Variants in STYXL2 observed in about 807,000 individuals in gnomAD.
The protein encoded by STYXL2 is serine/threonine/tyrosine-interacting-like protein 2.
In STYXL2, 44 loss-of-function variants were observed where a neutral mutation model predicts 52.4. The observed-to-expected ratio is 0.84, with a 90% CI of 0.66 to 1.08. The LOEUF is 1.08. Ranked by LOEUF, STYXL2 falls within the 50% of genes least tolerant of loss-of-function variation. The pLI, the probability that STYXL2 is intolerant of heterozygous loss-of-function variation, is 0.00. For synonymous variants in STYXL2, 604 were observed against 586.9 expected (o/e 1.03, Z -0.42); for missense variants, 1,604 against 1,471.7 (o/e 1.09, Z -1.47).
intron 2 of STYXL2, among the ~76,000 whole-genome samples, chr1:167,107,125 T>C (rs1221480036): frequency 6.6e-6 from 1 of 152,122 alleles, no homozygotes; most frequent in Non-Finnish European, 1.5e-5. Context: ...GGCTGGGAGC[T>C]CAGCAGGGAC....
chr1:167,105,447 C>T (rs910568140), intron 2 of STYXL2, among the ~76,000 whole-genome samples: 1 of 152,254 alleles, frequency 6.6e-6, no homozygotes, highest in South Asian at 2.1e-4. Flanking sequence ...CTTTCTTGAA[C>T]AGCCAGCCCT....
rs1667800464 is a variant in STYXL2, at chr1:167,119,409, T to A, written c.598T>A (p.Ser200Thr). 4.3e-6 allele frequency: 7 copies of A among 1,614,226 alleles called. No individual in the cohort carries two copies. The highest frequency in any genetic ancestry group is 5.9e-6 in the Non-Finnish European group (7 of 1,180,042). ...EVDDFPEVDI[S>T]QHFRKASEFL... is the part of the protein sequence containing the mutation. ...GGATGACTTTCCTGAGGTGGACATTTCCCAGCATTTCCGGAAGGCGTCTGA... is the reference window on the plus strand; with the variant it reads ...GGATGACTTTCCTGAGGTGGACATTACCCAGCATTTCCGGAAGGCGTCTGA... Residue 200 changes from serine to threonine, a missense_variant, in exon 5 of 6, where the codon TCC becomes ACC. By Grantham distance (58) the Ser-to-Thr change is moderately conservative (BLOSUM62 1). Coordinates refer to ENST00000361200, the MANE Select transcript of STYXL2 (RefSeq NM_001080426.3).
intron 2 of STYXL2, among the ~76,000 whole-genome samples, chr1:167,098,318 T>C (rs547720322): frequency 3.3e-5 from 5 of 152,074 alleles, no homozygotes; most frequent in African/African-American, 9.6e-5. Flanking sequence ...CCAAACTTTT[T>C]TTAAGAAATT....
Position 167,126,321 on chromosome 1 carries a change from A to C in STYXL2, c.1190A>C (p.Gln397Pro). 6.6e-7 allele frequency: 1 copy of C among 1,521,452 alleles called. No homozygotes were observed. The highest frequency in any genetic ancestry group is 1.3e-5 in the South Asian group (1 of 78,472). The allele number at this position is 1,521,452 out of a possible 1,614,324, so 94.2% of individuals were successfully genotyped here. A position where few individuals can be genotyped will look rare whatever the true frequency, so the allele number is the denominator to read the frequency against. ...EDVERIIQEW[Q>P]SRNERYQAEG... ...GTGGAGAGGATCATCCAGGAGTGGC[A>C]GAGCCGAAACGAGAGGTACCAAGCA... The change falls in exon 6 of 6, where the codon CAG (glutamine) becomes CCG (proline). Residue 397 changes from glutamine (Q) to proline (P), a missense_variant. Coordinates refer to ENST00000361200, the MANE Select transcript of STYXL2 (RefSeq NM_001080426.3).
In STYXL2 at chr1:167,126,429, C is replaced by A. The variant is rs878895226; in HGVS notation, c.1298C>A (p.Thr433Asn). The change falls in exon 6 of 6, where the codon ACC (threonine) becomes AAC (asparagine). Residue 433 changes from threonine (T) to asparagine (N), a missense_variant. Physicochemically the swap from Thr to Asn is moderately conservative, Grantham distance 65. Coordinates refer to ENST00000361200, the MANE Select transcript of STYXL2 (RefSeq NM_001080426.3). ...TCCTCGGTGGGGAGGCGGCGGCGCA[C>A]CCTGAGCGAGAGCAGCGCCTGGGAG... ...AGSSVGRRRR[T>N]LSESSAWESV... 6.4e-7 allele frequency: 1 copy of A among 1,567,658 alleles called. No individual in the cohort carries two copies.
Position 167,128,694 on chromosome 1 carries a change from T to C in STYXL2, c.*86T>C. The C allele has an allele frequency of 6.7e-7, 1 of 1,483,866 alleles. No homozygotes were observed. The highest frequency in any genetic ancestry group is 8.9e-7 in the Non-Finnish European group (1 of 1,126,504). 91.9% of individuals were successfully genotyped at this position (1,483,866 alleles called of 1,614,324 possible). On this transcript the variant is annotated 3_prime_UTR_variant, in exon 6 of 6. Transcript: ENST00000361200. ...CACGTTGCCACCACTCATCGCAGGATGAGGATACAGAGAGGATCTTCCAGA... is the reference window on the plus strand; with the variant it reads ...CACGTTGCCACCACTCATCGCAGGACGAGGATACAGAGAGGATCTTCCAGA...
In STYXL2 at chr1:167,119,448, G is replaced by T; in HGVS notation, c.637G>T (p.Ala213Ser). The change falls in exon 5 of 6, where the codon GCG becomes TCG. Residue 213 changes from alanine to serine, a missense_variant. By Grantham distance (99) the Ala-to-Ser change is moderately conservative (BLOSUM62 1). Coordinates refer to ENST00000361200, the MANE Select transcript of STYXL2 (RefSeq NM_001080426.3). Reference sequence around the variant, plus strand: ...GAAGGCGTCTGAGTTCCTGGATGAGGCGCTGCTGACTTACAGAGGTGAGAG... The same window carrying T: ...GAAGGCGTCTGAGTTCCTGGATGAGTCGCTGCTGACTTACAGAGGTGAGAG... ...FRKASEFLDE[A>S]LLTYRGKVLV... 6.2e-7 allele frequency: 1 copy of T among 1,614,134 alleles called. No individual in the cohort carries two copies. Among genetic ancestry groups the T allele is most frequent in the Non-Finnish European group, 8.5e-7 (1 of 1,180,024 alleles).
At chr1:167,114,673 G>C (rs1667688870) in intron 3 of STYXL2, among the ~76,000 whole-genome samples, 1 of 152,234 alleles carries the variant, frequency 6.6e-6, no homozygotes, top group Non-Finnish European at 1.5e-5. Context: ...ACTTCACATA[G>C]AACCAGAAAT....
chr1:167,108,645 GGA>G (rs1667555369), intron 2 of STYXL2, among the ~76,000 whole-genome samples: 1 of 152,110 alleles, frequency 6.6e-6, no homozygotes, highest in African/African-American at 2.4e-5. Context: ...GTTATGGGGG[GGA>G]AAAATGGCAG....
intron 2 of STYXL2, among the ~76,000 whole-genome samples, chr1:167,096,907 G>C (rs1667295934): frequency 6.6e-6 from 1 of 152,126 alleles, no homozygotes; most frequent in Non-Finnish European, 1.5e-5. Flanking sequence ...TCCAGGCTAG[G>C]TTCTCCAATG....
At chr1:167,119,700 G>A (rs1166510408) in intron 5 of STYXL2, among the ~76,000 whole-genome samples, 2 of 152,150 alleles carry the variant, frequency 1.3e-5, no homozygotes, top group African/African-American at 4.8e-5. Flanking sequence ...CACAGGCAAC[G>A]CTTCCAGCCT....
intron 2 of STYXL2, among the ~76,000 whole-genome samples, chr1:167,100,199 A>G (rs997958318): frequency 1.3e-5 from 2 of 152,216 alleles, no homozygotes; most frequent in African/African-American, 2.4e-5. Context: ...ACCCCCTCTC[A>G]TGGTAACTAA....
In STYXL2 at chr1:167,127,713, C is replaced by G; in HGVS notation, c.2582C>G (p.Ser861Ter). Residue 861 changes from serine to a stop codon, truncating the protein, a stop_gained, in exon 6 of 6, where the codon TCA (serine) becomes TGA (stop). Transcript: ENST00000361200. LOFTEE classifies it high-confidence loss of function. Reference protein sequence around the residue: ...MSEYKMEKLASDNKRSSLFKK... With the variant: ...MSEYKMEKLA ...GAGTACAAAATGGAAAAGCTGGCCT[C>G]AGACAACAAACGCAGCTCCCTCTTC... is the stretch of plus-strand genomic sequence containing the variant. 1 of 1,614,022 alleles carries G rather than the reference C, an allele frequency of 6.2e-7. No individual in the cohort carries two copies. The highest frequency in any genetic ancestry group is 1.1e-5 in the South Asian group (1 of 91,070).
At chr1:167,097,647 G>T (rs1242263933) in intron 2 of STYXL2, among the ~76,000 whole-genome samples, 1 of 147,448 alleles carries the variant, frequency 6.8e-6, no homozygotes, top group Non-Finnish European at 1.5e-5. Flanking sequence ...TAGAGAAAAA[G>T]AATACAGAAA....
chr1:167,126,643 G>T lies in STYXL2; in HGVS notation c.1512G>T (p.Ala504=). 1 of 1,614,076 alleles carries T rather than the reference G, an allele frequency of 6.2e-7. No homozygotes were observed. Among genetic ancestry groups the T allele is most frequent in the Non-Finnish European group, 8.5e-7 (1 of 1,180,014 alleles). The change falls in exon 6 of 6, where the codon GCG becomes GCT. Residue 504 remains alanine (A), a synonymous_variant. Transcript: ENST00000361200. Reference sequence around the variant, plus strand: ...ACGCCAAGAGCAAGAGAGAGGAGGCGGCAGACAGGAGCTCAGAAGCAGGGA... The same window carrying T: ...ACGCCAAGAGCAAGAGAGAGGAGGCTGCAGACAGGAGCTCAGAAGCAGGGA... ...RYHAKSKREE[A]ADRSSEAGSR...
At chr1:167,122,111 C>T (rs1667869471) in intron 5 of STYXL2, among the ~76,000 whole-genome samples, 1 of 152,030 alleles carries the variant, frequency 6.6e-6, no homozygotes, top group African/African-American at 2.4e-5. Context: ...AAGTTGAGAC[C>T]TATGGAAGAT....
At chr1:167,107,631 T>C (rs1667531735) in intron 2 of STYXL2, among the ~76,000 whole-genome samples, 1 of 152,204 alleles carries the variant, frequency 6.6e-6, no homozygotes, top group Non-Finnish European at 1.5e-5. Flanking sequence ...ATAGTTCTAT[T>C]GAAGACATAT....
At chr1:167,107,076 G>C (rs963678597) in intron 2 of STYXL2, among the ~76,000 whole-genome samples, 1 of 152,144 alleles carries the variant, frequency 6.6e-6, no homozygotes, top group Admixed American at 6.5e-5. Flanking sequence ...TGGGCTGCAA[G>C]GTCCATTTCT....
intron 5 of STYXL2, among the ~76,000 whole-genome samples, chr1:167,121,485 G>A (rs1054136968): frequency 5.3e-5 from 8 of 152,252 alleles, no homozygotes; most frequent in African/African-American, 1.9e-4. Flanking sequence ...TGTGGACACG[G>A]CCACGAGCCG....
Sources: gnomAD v4.1 joint callset for allele counts (sites outside exome capture counted in the v4.1 genomes callset) on GRCh38, gnomAD v4.1.1 for gene constraint, MANE v1.5 for transcripts, NCBI Gene and HGNC (gene_info 2026-07-23, HGNC 2026-07-21) for gene names.